The following HIP1 variants were observed in gnomAD, a reference collection of about 807,000 sequenced individuals.
HIP1 encodes the protein huntingtin interacting protein 1, also known as huntingtin-interacting protein 1.
HIP1 carries 65 observed loss-of-function variants against 147.6 expected under a neutral mutation model. The observed-to-expected ratio is 0.44, with a 90% CI of 0.36 to 0.54. The LOEUF (loss-of-function observed/expected upper bound fraction) is 0.54. Among genes scored for constraint, HIP1 ranks in the 20% least tolerant of loss-of-function variants. The pLI is 0.00. For synonymous variants in HIP1, 479 were observed against 504.0 expected, an observed-to-expected ratio of 0.95 and a Z score of 0.67; for missense variants, 1,061 against 1,299.6, an observed-to-expected ratio of 0.82 and a Z score of 2.82.
chr7:75,679,979 G>C (rs1244054904), intron 1 of HIP1, among the ~76,000 whole-genome samples: 1 of 152,158 alleles, frequency 6.6e-6, no homozygotes, highest in East Asian at 1.9e-4. Context: ...CCTGTGACTA[G>C]CCTCCCTCTC....
At chr7:75,675,807 T>G (rs1554515917) in intron 1 of HIP1, among the ~76,000 whole-genome samples, 1 of 152,058 alleles carries the variant, frequency 6.6e-6, no homozygotes, top group Admixed American at 6.6e-5. Context: ...AGTGAGATGC[T>G]GTTGCTACAA....
At chr7:75,634,605 G>A (rs587703795) in intron 1 of HIP1, among the ~76,000 whole-genome samples, 3 of 152,056 alleles carry the variant, frequency 2.0e-5, no homozygotes, top group African/African-American at 7.2e-5. Context: ...CTTCCTCATG[G>A]GGTTGCAGTG....
intron 1 of HIP1, among the ~76,000 whole-genome samples, chr7:75,729,476 G>GA (rs1801763293): frequency 1.3e-5 from 2 of 151,478 alleles, no homozygotes; most frequent in Non-Finnish European, 2.9e-5. Flanking sequence ...AACACAGCAA[G>GA]ACTCTATCTC....
intron 1 of HIP1, among the ~76,000 whole-genome samples, chr7:75,687,293 C>A (rs980777549): frequency 6.6e-6 from 1 of 152,278 alleles, no homozygotes; most frequent in Non-Finnish European, 1.5e-5. Context: ...GCCCCCAGTA[C>A]CTTTCTCATG....
intron 2 of HIP1, among the ~76,000 whole-genome samples, chr7:75,595,059 T>A (rs1315476842): frequency 6.6e-6 from 1 of 152,140 alleles, no homozygotes; most frequent in African/African-American, 2.4e-5. Context: ...CCAGAGCACA[T>A]GTTATTTTGC....
chr7:75,663,715 G>A (rs1242728956), intron 1 of HIP1, among the ~76,000 whole-genome samples: 3 of 151,154 alleles, frequency 2.0e-5, no homozygotes, highest in South Asian at 2.1e-4. Context: ...GAACAGAGCC[G>A]CCAGGGAGTA....
chr7:75,677,602 C>T (rs1799939892), intron 1 of HIP1, among the ~76,000 whole-genome samples: 1 of 59,226 alleles, frequency 1.7e-5, no homozygotes, highest in Admixed American at 2.3e-4. Flanking sequence ...AAGACTCCAT[C>T]TAAAAAAAAA....
chr7:75,579,079 A>G (rs1795946382), intron 7 of HIP1, among the ~76,000 whole-genome samples: 1 of 151,906 alleles, frequency 6.6e-6, no homozygotes, highest in African/African-American at 2.4e-5. Flanking sequence ...TCGCCTCCCA[A>G]CGTGCTGAAA....
chr7:75,566,315 C>T (rs1216149932), intron 9 of HIP1, among the ~76,000 whole-genome samples: 1 of 151,528 alleles, frequency 6.6e-6, no homozygotes, highest in Admixed American at 6.6e-5. Context: ...AGCCACTGCA[C>T]CCGGCTGGTG....
chr7:75,592,844 G>C (rs1252873647), intron 2 of HIP1, among the ~76,000 whole-genome samples: 1 of 152,194 alleles, frequency 6.6e-6, no homozygotes, highest in African/African-American at 2.4e-5. Flanking sequence ...CGAGATGTAA[G>C]CGTCTTGAGA....
chr7:75,562,766 C>T (rs1795272428), intron 11 of HIP1, among the ~76,000 whole-genome samples, 169 bp downstream of exon 11: 1 of 152,220 alleles, frequency 6.6e-6, no homozygotes. Flanking sequence ...ATTTATGACC[C>T]TTCTGGGAGC....
At chr7:75,723,867 A>C (rs1801570132) in intron 1 of HIP1, among the ~76,000 whole-genome samples, 1 of 151,934 alleles carries the variant, frequency 6.6e-6, no homozygotes. Context: ...CTCCCACCTC[A>C]GCGTCCCAAG....
At chr7:75,660,212 G>A (rs1276721497) in intron 1 of HIP1, among the ~76,000 whole-genome samples, 4 of 104,550 alleles carry the variant, frequency 3.8e-5, no homozygotes, top group African/African-American at 1.9e-4. Context: ...GATACGATAC[G>A]TGGTAAAAAA....
chr7:75,639,788 A>G (rs1182666144), intron 1 of HIP1, among the ~76,000 whole-genome samples: 6 of 151,728 alleles, frequency 4.0e-5, no homozygotes, highest in African/African-American at 1.5e-4. Context: ...ACAAAGGGGG[A>G]ATTCACGGCC....
intron 4 of HIP1, among the ~76,000 whole-genome samples, chr7:75,589,880 A>G (rs1334946764): frequency 2.0e-5 from 3 of 151,484 alleles, no homozygotes; most frequent in Non-Finnish European, 4.4e-5. Context: ...ACAGGCACCC[A>G]CCACCACGCC....
intron 24 of HIP1, 87 bp from the exon 25 acceptor site, chr7:75,547,119 G>A: frequency 8.9e-7 from 1 of 1,122,728 alleles, no homozygotes; most frequent in South Asian, 1.3e-5. Flanking sequence ...CCTAGCCAAA[G>A]GCAAGCTTGG....
At chr7:75,645,935 C>G (rs1250888427) in intron 1 of HIP1, among the ~76,000 whole-genome samples, 2 of 152,086 alleles carry the variant, frequency 1.3e-5, no homozygotes, top group African/African-American at 2.4e-5. Flanking sequence ...ACTGGGGACT[C>G]CAAAAGGGAG....
chr7:75,649,423 C>T (rs1157003345), intron 1 of HIP1, among the ~76,000 whole-genome samples: 1 of 152,142 alleles, frequency 6.6e-6, no homozygotes, highest in Admixed American at 6.6e-5. Context: ...CAGCAATGAC[C>T]CTGAACACTA....
intron 1 of HIP1, among the ~76,000 whole-genome samples, chr7:75,645,591 A>AGCT (rs1211771467): frequency 6.6e-6 from 1 of 152,216 alleles, no homozygotes; most frequent in Non-Finnish European, 1.5e-5. Context: ...ATTACTGGGT[A>AGCT]GCTACCCAAA....
Sources: gnomAD v4.1 joint callset for allele counts (sites outside exome capture counted in the v4.1 genomes callset) on GRCh38, gnomAD v4.1.1 for gene constraint, MANE v1.5 for transcripts, NCBI Gene and HGNC (gene_info 2026-07-23, HGNC 2026-07-21) for gene names.